The following HCFC2 variants were observed in gnomAD, a reference collection of about 807,000 sequenced individuals.
HCFC2 encodes host cell factor C2.
A neutral mutation model predicts 89.2 loss-of-function variants in HCFC2; 18 were observed. The observed-to-expected ratio is 0.20, with a 90% CI of 0.14 to 0.30. The LOEUF (loss-of-function observed/expected upper bound fraction) is 0.30, where lower values mean the gene tolerates loss of function less well. Among genes scored for constraint, HCFC2 ranks in the 10% least tolerant of loss-of-function variants. The pLI is 1.00. For synonymous variants in HCFC2, 308 were observed against 335.7 expected (o/e 0.92, Z 0.90); for missense variants, 578 against 956.1 (o/e 0.60, Z 5.21).
intron 9 of HCFC2, among the ~76,000 whole-genome samples, chr12:104,090,496 T>TC (rs1425789285): frequency 4.7e-5 from 7 of 147,470 alleles, no homozygotes; most frequent in Non-Finnish European, 3.0e-5. Context: ...CAATTTCTTT[T>TC]CTTTTTTTTT....
chr12:104,084,352 G>C (rs771138321), intron 7 of HCFC2, among the ~76,000 whole-genome samples: 7 of 152,176 alleles, frequency 4.6e-5, no homozygotes, highest in Non-Finnish European at 8.8e-5. Flanking sequence ...GTCAAAAAAG[G>C]CTTCTGTGAT....
chr12:104,095,445 T>C lies in HCFC2; in HGVS notation c.1548T>C (p.Thr516=), dbSNP rs1242798196. The C allele has an allele frequency of 1.2e-6, 2 of 1,613,770 alleles. No homozygotes were observed. The highest frequency in any genetic ancestry group is 1.7e-4 in the Middle Eastern group (1 of 6,058). Residue 516 remains threonine (T), a synonymous_variant, in exon 11 of 15, where the codon ACT becomes ACC. Coordinates refer to ENST00000229330, the MANE Select transcript of HCFC2 (RefSeq NM_013320.3). This position sits in a 1 kb window ranked among gnomAD's most constrained non-coding sequence, Gnocchi z 4.2. ...TTCCTGAAACATCTGTATCCAGTAC[T>C]GTTTCCAGCACACAAACTATGGTAA... ...TVIPETSVSS[T]VSSTQTMVTQ...
Position 104,068,161 on chromosome 12 carries a change from T to G in HCFC2, c.473+54T>G. ...TATTTTATGATTTAGAGTAGGAACA[T>G]TTTATTTTTTCCATCTTTAATTTTT... On this transcript the variant is annotated intron_variant, in intron 3 of 14. Coordinates refer to ENST00000229330, the MANE Select transcript of HCFC2 (RefSeq NM_013320.3). This position sits in a 1 kb window ranked among gnomAD's most constrained non-coding sequence, Gnocchi z 4.1. 1.1e-5 allele frequency: 15 copies of G among 1,409,040 alleles called. No homozygotes were observed. Among genetic ancestry groups the G allele is most frequent in the Non-Finnish European group, 1.4e-5 (15 of 1,056,296 alleles). 87.3% of individuals were successfully genotyped at this position (1,409,040 alleles called of 1,614,324 possible).
intron 13 of HCFC2, among the ~76,000 whole-genome samples, chr12:104,100,735 A>G (rs561580906): frequency 3.9e-5 from 6 of 152,166 alleles, no homozygotes; most frequent in Non-Finnish European, 7.4e-5. Flanking sequence ...CCTCTTTTTC[A>G]TACAGAATTT....
At chr12:104,065,896 G>T (rs747949152) in intron 1 of HCFC2, among the ~76,000 whole-genome samples, 1 of 152,104 alleles carries the variant, frequency 6.6e-6, no homozygotes, top group East Asian at 1.9e-4. Flanking sequence ...TTTGGGCCAG[G>T]TAATTCTTTG....
At chr12:104,075,092 C>T (rs1460788221) in intron 3 of HCFC2, among the ~76,000 whole-genome samples, 3 of 151,642 alleles carry the variant, frequency 2.0e-5, no homozygotes, top group Non-Finnish European at 2.9e-5. Flanking sequence ...TGGTGGTACG[C>T]ACCTATAGTC....
At position 104,068,994 on chromosome 12, in the gene HCFC2, T is replaced by C. The variant is rs1883233960; in HGVS notation, c.473+887T>C. On this transcript the variant is annotated intron_variant, in intron 3 of 14. Coordinates refer to ENST00000229330, the MANE Select transcript of HCFC2 (RefSeq NM_013320.3). This position sits in a 1 kb window ranked among gnomAD's most constrained non-coding sequence, Gnocchi z 4.1. The stretch of plus-strand genomic sequence containing the variant: ...CATTTCATATAGTTACCCATTTTTT[T>C]CTGCCTGGGGCATGAGCAGCTGTAG... Among the ~76,000 whole-genome samples, 2 of 152,160 alleles carry C rather than the reference T, an allele frequency of 1.3e-5. No homozygotes were observed. Among genetic ancestry groups the C allele is most frequent in the Admixed American group, 1.3e-4 (2 of 15,262 alleles).
At chr12:104,087,266 A>G (rs980702870) in intron 8 of HCFC2, among the ~76,000 whole-genome samples, 4 of 151,404 alleles carry the variant, frequency 2.6e-5, no homozygotes, top group African/African-American at 9.7e-5. Context: ...AAGCAAAAGT[A>G]TCACTTGAAC....
chr12:104,095,586 T>A lies in HCFC2; in HGVS notation c.1666+23T>A. 6.3e-7 allele frequency: 1 copy of A among 1,576,140 alleles called. No individual in the cohort carries two copies. Among genetic ancestry groups the A allele is most frequent in the Non-Finnish European group, 8.7e-7 (1 of 1,146,146 alleles). ...AAGGTTTGAAATGTGTTTCACATACTGTATTTTGAACCATTTATGTATATA... is the reference window on the plus strand; with the variant it reads ...AAGGTTTGAAATGTGTTTCACATACAGTATTTTGAACCATTTATGTATATA... On this transcript the variant is annotated intron_variant, in intron 11 of 14. Coordinates refer to ENST00000229330, the MANE Select transcript of HCFC2 (RefSeq NM_013320.3). This position sits in a 1 kb window ranked among gnomAD's most constrained non-coding sequence, Gnocchi z 4.2.
rs1268481623 is a variant in HCFC2, at chr12:104,064,720, A to T, written c.160A>T (p.Thr54Ser). The change falls in exon 1 of 15, where the codon ACG (threonine) becomes TCG (serine). Residue 54 changes from threonine to serine, a missense_variant. By Grantham distance (58) the Thr-to-Ser change is moderately conservative. Transcript: ENST00000229330. The surrounding 1 kb of genome is among the most constrained non-coding windows in gnomAD (Gnocchi z 7.3). ...GIADELHVYNTATNQWFLPAV... is the reference protein window; with the variant it reads ...GIADELHVYNSATNQWFLPAV... ...CGCGGATGAGCTGCACGTCTACAAC[A>T]CGGGTAGGCGCGGCGGCGGCTCGTC... is the stretch of plus-strand genomic sequence containing the variant. 3 of 1,554,552 alleles carry T rather than the reference A, an allele frequency of 1.9e-6. No homozygotes were observed. The highest frequency in any genetic ancestry group is 2.6e-6 in the Non-Finnish European group (3 of 1,152,912).
At chr12:104,079,971 A>G (rs1883631737) in intron 4 of HCFC2, among the ~76,000 whole-genome samples, 1 of 152,166 alleles carries the variant, frequency 6.6e-6, no homozygotes, top group African/African-American at 2.4e-5. Flanking sequence ...ACTCTGAAAA[A>G]TGTCCTGTTG....
chr12:104,101,903 A>C, intron 13 of HCFC2, 65 bp from the exon 14 acceptor site: 4 of 1,005,762 alleles, frequency 4.0e-6, no homozygotes, highest in Non-Finnish European at 5.5e-6. Flanking sequence ...AAAATTGAAT[A>C]ATTTTTAAAA....
At position 104,067,920 on chromosome 12, in the gene HCFC2, CT is replaced by C. The variant is rs1593588477; in HGVS notation, c.313-26del. 1.7e-5 allele frequency: 27 copies of C among 1,557,458 alleles called. No individual in the cohort carries two copies. In the East Asian group the frequency reaches 6.3e-4, roughly 36 times the overall value. ...GGAGTGCTTTCTTGATTTTGTCTGA[CT>C]GTATTTGTGCCCTTTTTTTTTTTAG... On this transcript the variant is annotated intron_variant, in intron 2 of 14. Transcript: ENST00000229330.
At chr12:104,096,525 C>G in intron 12 of HCFC2, 92 bp downstream of exon 12, 1 of 802,588 alleles carries the variant, frequency 1.2e-6, no homozygotes, top group Admixed American at 2.0e-5. Flanking sequence ...TAAAAAGATT[C>G]TCAGGTCTCA....
At chr12:104,079,793 A>G (rs1593598044) in intron 4 of HCFC2, 140 bp downstream of exon 4, 2 of 651,974 alleles carry the variant, frequency 3.1e-6, no homozygotes, top group South Asian at 1.9e-5. Flanking sequence ...TATGTGTGAT[A>G]TGAATGGTTG....
In HCFC2 at chr12:104,064,972, T is replaced by G; in HGVS notation, c.163+249T>G. On this transcript the variant is annotated intron_variant, in intron 1 of 14. Coordinates refer to ENST00000229330, the MANE Select transcript of HCFC2 (RefSeq NM_013320.3). The surrounding 1 kb of genome is among the most constrained non-coding windows in gnomAD (Gnocchi z 7.3). ...GGCGCACCGGCCTTCAGGCGGGGGATCCCGGACGCCCCCACCCCAGCCCGA... is the reference window on the plus strand; with the variant it reads ...GGCGCACCGGCCTTCAGGCGGGGGAGCCCGGACGCCCCCACCCCAGCCCGA... 2.7e-6 allele frequency: 1 copy of G among 374,478 alleles called. No homozygotes were observed. The highest frequency in any genetic ancestry group is 4.7e-6 in the Non-Finnish European group (1 of 211,740). 23.2% of individuals were successfully genotyped at this position (374,478 alleles called of 1,614,324 possible). A position where few individuals can be genotyped will look rare whatever the true frequency, so the allele number is the denominator to read the frequency against.
chr12:104,089,198 G>T (rs778159243), intron 9 of HCFC2, among the ~76,000 whole-genome samples: 2 of 152,146 alleles, frequency 1.3e-5, no homozygotes, highest in Non-Finnish European at 2.9e-5. Context: ...CACAGATATG[G>T]AGGACCAACT....
intron 13 of HCFC2, among the ~76,000 whole-genome samples, chr12:104,099,641 A>G (rs533606495): frequency 2.0e-5 from 3 of 152,058 alleles, no homozygotes; most frequent in Admixed American, 1.3e-4. Flanking sequence ...AACTTATACA[A>G]TCACTGAGGT....
chr12:104,087,495 A>T (rs944802228), intron 8 of HCFC2, among the ~76,000 whole-genome samples: 2 of 147,968 alleles, frequency 1.4e-5, no homozygotes, highest in African/African-American at 4.9e-5. Context: ...GTATATATAT[A>T]TACACACATA....
Sources: allele counts gnomAD v4.1 joint callset (sites outside exome capture counted in the v4.1 genomes callset), GRCh38; gene constraint gnomAD v4.1.1; non-coding constraint Gnocchi (gnomAD v3.1); transcripts MANE v1.5; gene names NCBI Gene and HGNC (gene_info 2026-07-23, HGNC 2026-07-21).